The following RBPMS variants were observed in gnomAD, a reference collection of about 807,000 sequenced individuals.
The protein encoded by RBPMS is RNA-binding protein with multiple splicing.
In RBPMS, 7 loss-of-function variants were observed where a neutral mutation model predicts 26.8. The observed-to-expected ratio is 0.26, with a 90% CI of 0.15 to 0.49. The LOEUF is 0.49. RBPMS is among the 20% of genes least tolerant of loss of function. The pLI is 0.98. For synonymous variants in RBPMS, 96 were observed against 93.3 expected (o/e 1.03, Z -0.17); for missense variants, 186 against 250.0 (o/e 0.74, Z 1.73).
At chr8:30,497,023 G>A (rs1328499408) in intron 4 of RBPMS, among the ~76,000 whole-genome samples, 2 of 152,080 alleles carry the variant, frequency 1.3e-5, no homozygotes, top group African/African-American at 4.8e-5. Flanking sequence ...TTTTAACCTT[G>A]GACCAATATT....
chr8:30,506,996 T>G (rs1402911041), intron 5 of RBPMS, among the ~76,000 whole-genome samples: 1 of 152,222 alleles, frequency 6.6e-6, no homozygotes, highest in African/African-American at 2.4e-5. Context: ...TCAGAAAAAC[T>G]TGGCCCCATA....
chr8:30,491,022 T>C (rs1819334323), intron 4 of RBPMS, among the ~76,000 whole-genome samples: 1 of 152,188 alleles, frequency 6.6e-6, no homozygotes. Flanking sequence ...AGCCATTTGA[T>C]GGTGTGTGTT....
At chr8:30,456,992 G>C (rs544297984) in intron 1 of RBPMS, among the ~76,000 whole-genome samples, 1 of 152,212 alleles carries the variant, frequency 6.6e-6, no homozygotes, top group Non-Finnish European at 1.5e-5. Context: ...GATGTTGGTC[G>C]TATCTTTATT....
At chr8:30,512,394 A>C (rs1186858203) in intron 5 of RBPMS, among the ~76,000 whole-genome samples, 1 of 152,164 alleles carries the variant, frequency 6.6e-6, no homozygotes, top group Non-Finnish European at 1.5e-5. Flanking sequence ...TACTATTCTT[A>C]ACATGAGTTC....
At chr8:30,519,166 C>T (rs3116011) in intron 5 of RBPMS, among the ~76,000 whole-genome samples, 151,745 of 152,272 alleles carry the variant, frequency 1, 75,610 homozygotes, top group Middle Eastern at 1. Flanking sequence ...TGGTGTTTTC[C>T]ATGGCTTGGG....
chr8:30,392,418 A>G (rs186018486), intron 1 of RBPMS, among the ~76,000 whole-genome samples: 48 of 152,180 alleles, frequency 3.2e-4, no homozygotes, highest in African/African-American at 1.2e-3. Flanking sequence ...AGGGGAAGGA[A>G]GAATGAAACT....
chr8:30,523,160 T>C (rs1042389182), intron 5 of RBPMS, among the ~76,000 whole-genome samples: 1 of 152,118 alleles, frequency 6.6e-6, no homozygotes, highest in African/African-American at 2.4e-5. Context: ...GCAGATCACT[T>C]GAGGTCAGGA....
intron 3 of RBPMS, 139 bp from the exon 4 acceptor site, chr8:30,479,176 C>T (rs1818018174): frequency 7.6e-6 from 5 of 655,864 alleles, no homozygotes; most frequent in South Asian, 3.7e-5. Flanking sequence ...CATGATTCTT[C>T]GGGACTTCGC....
chr8:30,492,707 C>T (rs907695336), intron 4 of RBPMS, among the ~76,000 whole-genome samples: 1 of 152,046 alleles, frequency 6.6e-6, no homozygotes, highest in Non-Finnish European at 1.5e-5. Context: ...GCACATAAAC[C>T]CCCCTACTTT....
chr8:30,392,700 T>G (rs1807923984), intron 1 of RBPMS, among the ~76,000 whole-genome samples: 2 of 152,176 alleles, frequency 1.3e-5, no homozygotes, highest in South Asian at 4.1e-4. Flanking sequence ...AGGGCCTAGA[T>G]AACTGTCAGA....
intron 6 of RBPMS, chr8:30,553,017 T>C (rs1430001639): frequency 2.0e-5 from 3 of 152,274 alleles, no homozygotes; most frequent in African/African-American, 7.2e-5. Context: ...TGCTCACCTC[T>C]TTTCCAGCTG....
In RBPMS at chr8:30,547,680, C is replaced by T. The variant is rs145761873; in HGVS notation, c.528+3056C>T. 1.7e-3 allele frequency among the ~76,000 whole-genome samples: 254 copies of T among 152,312 alleles called. 3 individuals carry two copies. The South Asian group carries it at 0.02, about 12-fold the overall frequency. ...TCCTGGAGAGGCCAGGTCCTGGAGC[C>T]GAGGCCACACTGCTGCTGCTTGTCT... is the stretch of plus-strand genomic sequence containing the variant. On this transcript the variant is annotated intron_variant, in intron 6 of 8. Transcript: ENST00000397323.
intron 7 of RBPMS, among the ~76,000 whole-genome samples, chr8:30,563,737 G>A (rs1395520818): frequency 1.3e-5 from 2 of 152,196 alleles, no homozygotes; most frequent in African/African-American, 4.8e-5. Flanking sequence ...CCCAGGTGCT[G>A]GTGCCCAGGT....
chr8:30,555,985 TG>T, intron 6 of RBPMS: 1 of 985,144 alleles, frequency 1.0e-6, no homozygotes, highest in Non-Finnish European at 1.2e-6. Context: ...TGCGGGAACC[TG>T]GATGAGCCGC....
intron 1 of RBPMS, among the ~76,000 whole-genome samples, chr8:30,432,260 G>C (rs1255520686): frequency 6.6e-6 from 1 of 152,232 alleles, no homozygotes; most frequent in Non-Finnish European, 1.5e-5. Context: ...CCGGCAGAAA[G>C]TAACTATTTT....
intron 4 of RBPMS, among the ~76,000 whole-genome samples, chr8:30,496,173 C>CT (rs34079966): frequency 0.66 from 95,936 of 144,794 alleles, 32,410 homozygotes; most frequent in Middle Eastern, 0.78. Flanking sequence ...TTGCGCATTT[C>CT]TTTTTTTTTT....
intron 1 of RBPMS, among the ~76,000 whole-genome samples, chr8:30,454,764 GATTAA>G (rs1254415641): frequency 6.6e-6 from 1 of 152,110 alleles, no homozygotes; most frequent in Non-Finnish European, 1.5e-5. Context: ...ATAAATCCAT[GATTAA>G]ATTAAGTAGT....
chr8:30,475,715 A>G (rs1307964311), intron 2 of RBPMS, among the ~76,000 whole-genome samples: 1 of 152,232 alleles, frequency 6.6e-6, no homozygotes, highest in Non-Finnish European at 1.5e-5. Flanking sequence ...TATGACAACT[A>G]AAAACTCTAG....
At chr8:30,499,341 G>A (rs1820314645) in intron 4 of RBPMS, among the ~76,000 whole-genome samples, 1 of 152,092 alleles carries the variant, frequency 6.6e-6, no homozygotes, top group Admixed American at 6.5e-5. Flanking sequence ...GTTGCTTCAG[G>A]TAATAATTAT....
Sources: gnomAD v4.1 joint callset for allele counts (sites outside exome capture counted in the v4.1 genomes callset) on GRCh38, gnomAD v4.1.1 for gene constraint, MANE v1.5 for transcripts, NCBI Gene and HGNC (gene_info 2026-07-23, HGNC 2026-07-21) for gene names.